LITAF: variants seen among roughly 807,000 people sequenced by gnomAD.
LITAF encodes lipopolysaccharide induced TNF factor.
Under a neutral mutation model 14.5 loss-of-function variants are expected in LITAF, and 9 were observed. The ratio of observed to expected loss-of-function variants is 0.62; its 90% CI spans 0.37 to 1.08. The LOEUF is 1.08. Ranked by LOEUF, LITAF falls within the 50% of genes least tolerant of loss-of-function variation. The pLI is 0.01. For synonymous variants in LITAF, 98 were observed against 88.2 expected (o/e 1.11, Z -0.62); for missense variants, 206 against 213.4 (o/e 0.97, Z 0.22).
chr16:11,550,290 G>A (rs772203127), intron 3 of LITAF, among the ~76,000 whole-genome samples: 19 of 152,162 alleles, frequency 1.2e-4, no homozygotes, highest in Admixed American at 2.0e-4. Context: ...GGGTTTCACC[G>A]TGTTGGCCAG....
intron 1 of LITAF, among the ~76,000 whole-genome samples, chr16:11,573,238 T>C (rs1452880154): frequency 6.6e-6 from 1 of 151,946 alleles, no homozygotes; most frequent in Non-Finnish European, 1.5e-5. Context: ...CCATAAAAGA[T>C]TTTTTTTAAA....
chr16:11,563,702 T>A (rs1377799218), intron 1 of LITAF, among the ~76,000 whole-genome samples: 1 of 152,032 alleles, frequency 6.6e-6, no homozygotes, highest in Non-Finnish European at 1.5e-5. Context: ...CAATAGAACG[T>A]TAATGATCAG....
intron 1 of LITAF, among the ~76,000 whole-genome samples, chr16:11,565,794 T>A (rs2064443149): frequency 7.3e-6 from 1 of 137,390 alleles, no homozygotes; most frequent in Admixed American, 7.2e-5. Flanking sequence ...GTCTGCCTCC[T>A]TCCTGATGGG....
chr16:11,609,359 C>T (rs999558573), intron 3 of LITAF, among the ~76,000 whole-genome samples: 1 of 151,964 alleles, frequency 6.6e-6, no homozygotes, highest in East Asian at 1.9e-4. Context: ...TTACAGGCGC[C>T]TGCCACCACA....
intron 1 of LITAF, among the ~76,000 whole-genome samples, chr16:11,583,489 G>A (rs1026657109): frequency 3.3e-5 from 5 of 152,164 alleles, no homozygotes; most frequent in African/African-American, 9.7e-5. Context: ...TTGTATGAAC[G>A]CTGATGACAA....
At chr16:11,570,890 C>A (rs1803849451) in intron 1 of LITAF, among the ~76,000 whole-genome samples, 1 of 151,926 alleles carries the variant, frequency 6.6e-6, no homozygotes, top group South Asian at 2.1e-4. Context: ...TACACTCCAG[C>A]CTGGGCAACA....
chr16:11,558,795 T>C lies in LITAF; in HGVS notation c.-5-2060A>G, dbSNP rs28367522. Among the ~76,000 whole-genome samples the C allele has an allele frequency of 9.8e-3, 1,496 of 152,308 alleles. 19 individuals carry two copies. Among genetic ancestry groups the C allele is most frequent in the African/African-American group, 0.034 (1,409 of 41,574 alleles). ...TCAGTAAGTAAAGATAGGTTGGGGCTGCATTCTAGAAAACTTTGAAAGTCC... is the reference window on the plus strand; with the variant it reads ...TCAGTAAGTAAAGATAGGTTGGGGCCGCATTCTAGAAAACTTTGAAAGTCC... On this transcript the variant is annotated intron_variant, in intron 1 of 3. Transcript: ENST00000622633. This position sits in a 1 kb window ranked among gnomAD's most constrained non-coding sequence, Gnocchi z 4.1.
At chr16:11,622,050 C>T (rs540972082) in intron 3 of LITAF, among the ~76,000 whole-genome samples, 6 of 152,286 alleles carry the variant, frequency 3.9e-5, no homozygotes, top group East Asian at 3.9e-4. Context: ...TCTGCAGGCC[C>T]GCTCCAGCCC....
intron 1 of LITAF, among the ~76,000 whole-genome samples, chr16:11,579,236 G>C (rs1461678118): frequency 6.6e-6 from 1 of 151,794 alleles, no homozygotes; most frequent in Non-Finnish European, 1.5e-5. Context: ...TGGATCATGA[G>C]GTCAGGAGAT....
At chr16:11,554,959 G>A (rs1014107028) in intron 2 of LITAF, among the ~76,000 whole-genome samples, 4 of 152,064 alleles carry the variant, frequency 2.6e-5, no homozygotes, top group African/African-American at 9.7e-5. Context: ...AGAGTTAACT[G>A]AACTTAGTAA....
upstream of LITAF, among the ~76,000 whole-genome samples, chr16:11,640,286 G>T (rs370497037): frequency 6.6e-6 from 1 of 152,298 alleles, no homozygotes; most frequent in African/African-American, 2.4e-5. Flanking sequence ...AGGGGTTCTC[G>T]CTCTGATACT....
upstream of LITAF, among the ~76,000 whole-genome samples, chr16:11,589,832 C>G (rs903210444): frequency 3.3e-5 from 5 of 151,850 alleles, no homozygotes; most frequent in African/African-American, 1.2e-4. Flanking sequence ...CTATGTTGCC[C>G]AGACTGGTCT....
chr16:11,556,175 G>T (rs138357390), intron 2 of LITAF: 11 of 458,564 alleles, frequency 2.4e-5, no homozygotes, highest in Admixed American at 3.8e-5. Context: ...CAGGGCAGAA[G>T]TTCTGCATCA....
chr16:11,574,801 G>GT (rs66512182), intron 1 of LITAF, among the ~76,000 whole-genome samples: 54 of 151,302 alleles, frequency 3.6e-4, no homozygotes, highest in African/African-American at 1.1e-3. Context: ...TCAATATAAA[G>GT]TTTTTTTTTT....
chr16:11,614,622 T>G lies in LITAF; in HGVS notation c.85+18911A>C, dbSNP rs757334252. ...GGCTTTTTCTGGTTTTTTTTTAAGA[T>G]GGGGTCTTACTCTGTCACCCAGACT... On this transcript the variant is annotated intron_variant, in intron 3 of 3. Coordinates refer to the LITAF transcript ENST00000574848. 9.3e-5 allele frequency among the ~76,000 whole-genome samples: 14 copies of G among 150,866 alleles called. 1 individual carries two copies. Among genetic ancestry groups the G allele is most frequent in the African/African-American group, 1.5e-4 (6 of 40,940 alleles).
At chr16:11,593,683 A>C (rs2064862978) in intron 1 of LITAF, among the ~76,000 whole-genome samples, 1 of 152,252 alleles carries the variant, frequency 6.6e-6, no homozygotes, top group Non-Finnish European at 1.5e-5. Context: ...AAAAGGAACA[A>C]TGCATTGATG....
chr16:11,574,992 A>G (rs2064608025), intron 1 of LITAF, among the ~76,000 whole-genome samples: 1 of 152,038 alleles, frequency 6.6e-6, no homozygotes, highest in Non-Finnish European at 1.5e-5. Flanking sequence ...TAGTAGAGAC[A>G]GGGTTTCACC....
At chr16:11,623,975 A>T (rs929010339) in intron 3 of LITAF, among the ~76,000 whole-genome samples, 3 of 151,816 alleles carry the variant, frequency 2.0e-5, no homozygotes, top group Non-Finnish European at 4.4e-5. Context: ...CTCAAAAAAA[A>T]TTTTTTTAAA....
At chr16:11,627,643 A>C (rs1412077387) in intron 3 of LITAF, among the ~76,000 whole-genome samples, 2 of 152,240 alleles carry the variant, frequency 1.3e-5, no homozygotes, top group African/African-American at 4.8e-5. Flanking sequence ...CAGCAGTTCG[A>C]GACCAGCCTG....
Sources: allele counts gnomAD v4.1 joint callset (sites outside exome capture counted in the v4.1 genomes callset), GRCh38; gene constraint gnomAD v4.1.1; non-coding constraint Gnocchi (gnomAD v3.1); transcripts MANE v1.5; gene names NCBI Gene and HGNC (gene_info 2026-07-23, HGNC 2026-07-21).